The following LIMCH1 variants were observed in gnomAD, a reference collection of about 807,000 sequenced individuals.
LIMCH1 encodes LIM and calponin homology domains-containing protein 1.
In LIMCH1, 113 loss-of-function variants were observed where a neutral mutation model predicts 176.5. The observed-to-expected ratio is 0.64, with a 90% confidence interval of 0.55 to 0.75. The LOEUF is 0.75. Ranked by LOEUF, LIMCH1 falls within the 30% of genes least tolerant of loss-of-function variation. The pLI is 0.00. For missense variants in LIMCH1, 1,674 were observed against 1,814.9 expected, an observed-to-expected ratio of 0.92 and a Z score of 1.41; for synonymous variants, 619 against 645.9, an observed-to-expected ratio of 0.96 and a Z score of 0.63.
At position 41,666,589 on chromosome 4, in the gene LIMCH1, A is replaced by G. The variant is rs761754320; in HGVS notation, c.3320A>G (p.Glu1107Gly). ...GTAAAGCCAAAATCTCCAGAACCCG[A>G]AGCAACGCTGACATTTCCATTTCTG... ...KVVKPKSPEP[E>G]ATLTFPFLDK... Residue 1107 changes from glutamate to glycine, a missense_variant, in exon 21 of 32, where the codon GAA (glutamate) becomes GGA (glycine). Glu to Gly is a moderately conservative substitution (Grantham distance 98). Transcript: ENST00000503057. 2.5e-6 allele frequency: 4 copies of G among 1,613,990 alleles called. No individual in the cohort carries two copies. In the Admixed American group the frequency reaches 6.7e-5, roughly 27 times the overall value.
chr4:41,602,573 G>T (rs949310993), intron 2 of LIMCH1, among the ~76,000 whole-genome samples: 7 of 152,106 alleles, frequency 4.6e-5, no homozygotes, highest in Middle Eastern at 3.4e-3. Context: ...AACCCTAGCA[G>T]ATTGGGAGGC....
chr4:41,646,756 G>A lies in LIMCH1; in HGVS notation c.2683G>A (p.Ala895Thr), dbSNP rs763515008. 103 of 1,614,154 alleles carry A rather than the reference G, an allele frequency of 6.4e-5. No individual in the cohort carries two copies. The highest frequency in any genetic ancestry group is 7.5e-5 in the Non-Finnish European group (88 of 1,180,030). ...CACTGTTGAAACCACCATTGCTCGT[G>A]CCAGTGTTCTGGATACCAGCATGTC... is the stretch of plus-strand genomic sequence containing the variant. ...TATVETTIAR[A>T]SVLDTSMSAG... Residue 895 changes from alanine (A) to threonine (T), a missense_variant, in exon 17 of 32, where the codon GCC becomes ACC. Around this residue, in one of 3 missense-constraint regions of LIMCH1, gnomAD observed 1,015 missense variants for 1,102.5 expected, o/e 0.92. Transcript: ENST00000503057.
chr4:41,363,207 G>A (rs1047922367), intron 1 of LIMCH1, among the ~76,000 whole-genome samples: 2 of 152,196 alleles, frequency 1.3e-5, no homozygotes, highest in Middle Eastern at 3.2e-3. Context: ...GGTTTTGCAT[G>A]CAGTTGCCTT....
chr4:41,668,213 A>G (rs1283354742), intron 21 of LIMCH1, among the ~76,000 whole-genome samples: 1 of 152,208 alleles, frequency 6.6e-6, no homozygotes, highest in Non-Finnish European at 1.5e-5. Context: ...GGTTTTATCT[A>G]CATAACAGGG....
intron 13 of LIMCH1, 69 bp downstream of exon 13, chr4:41,633,877 C>T (rs2093450543): frequency 6.9e-7 from 1 of 1,458,920 alleles, no homozygotes; most frequent in African/African-American, 1.4e-5. Flanking sequence ...GTTCTTAATG[C>T]ATTATGGCAC....
In LIMCH1 at chr4:41,463,874, C is replaced by G. The variant is rs145251939; in HGVS notation, c.97-30662C>G. Among the ~76,000 whole-genome samples the G allele has an allele frequency of 2.3e-3, 354 of 152,056 alleles. 1 individual carries two copies. Among genetic ancestry groups the G allele is most frequent in the African/African-American group, 8.1e-3 (335 of 41,500 alleles). On this transcript the variant is annotated intron_variant, in intron 1 of 26. Transcript: ENST00000313860. ...GATTACAAGCATGAGCCACTGTGCC[C>G]GGTCACATTTTAAACATTTTTTTGT...
chr4:41,512,609 A>G (rs997499566), intron 2 of LIMCH1, among the ~76,000 whole-genome samples: 49 of 152,260 alleles, frequency 3.2e-4, no homozygotes, highest in African/African-American at 1.2e-3. Context: ...TACAACATGG[A>G]TGAACCTTAA....
At chr4:41,651,895 C>T (rs1222462523) in intron 18 of LIMCH1, among the ~76,000 whole-genome samples, 3 of 152,162 alleles carry the variant, frequency 2.0e-5, no homozygotes, top group Admixed American at 1.3e-4. Flanking sequence ...TTTCTTCCAT[C>T]TCTCACCAGA....
intron 1 of LIMCH1, among the ~76,000 whole-genome samples, chr4:41,564,540 A>G (rs1320372808): frequency 6.6e-6 from 1 of 152,206 alleles, no homozygotes; most frequent in Non-Finnish European, 1.5e-5. Context: ...ATATTTCTAT[A>G]CAGAAAAAAG....
chr4:41,566,873 A>T (rs1262629434), intron 1 of LIMCH1, among the ~76,000 whole-genome samples: 1 of 152,218 alleles, frequency 6.6e-6, no homozygotes, highest in East Asian at 1.9e-4. Context: ...TCAGAAATTG[A>T]CCACTTCCTT....
chr4:41,565,366 CACACACACACACACACAT>C (rs1283859908), intron 1 of LIMCH1, among the ~76,000 whole-genome samples: 17 of 147,436 alleles, frequency 1.2e-4, no homozygotes, highest in African/African-American at 3.7e-4. Flanking sequence ...CACACACACA[CACACACACACACACACAT>C]ACACACACAC....
intron 1 of LIMCH1, among the ~76,000 whole-genome samples, chr4:41,592,114 C>G (rs2087711333): frequency 6.6e-6 from 1 of 152,248 alleles, no homozygotes; most frequent in South Asian, 2.1e-4. Flanking sequence ...CTGAGGAAAC[C>G]TCTTCTGTAA....
At chr4:41,462,936 AG>A (rs1373337261) in intron 1 of LIMCH1, among the ~76,000 whole-genome samples, 2 of 152,072 alleles carry the variant, frequency 1.3e-5, no homozygotes, top group East Asian at 3.8e-4. Flanking sequence ...CAGCGAGCAT[AG>A]GTTTAATAGC....
intron 1 of LIMCH1, among the ~76,000 whole-genome samples, chr4:41,423,114 T>G (rs1278367193): frequency 1.3e-5 from 2 of 152,190 alleles, no homozygotes; most frequent in Non-Finnish European, 2.9e-5. Flanking sequence ...AATCAATGAA[T>G]GCCCTTCTGA....
chr4:41,692,355 AC>A lies in LIMCH1; in HGVS notation c.4350del (p.Cys1451ValfsTer32). On this transcript the variant is annotated frameshift_variant, in exon 31 of 32. Coordinates refer to ENST00000503057, the MANE Select transcript of LIMCH1 (RefSeq NM_001330672.2). LOFTEE classifies it high-confidence loss of function. ...GTTAGGATTCGAAATGGTCTCCTGA[AC>A]TGTAATGATTGCTACATGCGATCCA... ...TDVRIRNGLL[N>X]CNDCYMRSRS... 6.2e-7 allele frequency: 1 copy of A among 1,612,740 alleles called. No homozygotes were observed. The highest frequency in any genetic ancestry group is 1.1e-5 in the South Asian group (1 of 91,040).
intron 31 of LIMCH1, 99 bp downstream of exon 31, chr4:41,692,483 C>A: frequency 4.2e-6 from 3 of 717,594 alleles, no homozygotes; most frequent in East Asian, 5.3e-5. Context: ...CAGCCGTTGA[C>A]ACTCTAATCT....
chr4:41,376,787 A>T (rs2054833817), intron 1 of LIMCH1, among the ~76,000 whole-genome samples: 1 of 152,180 alleles, frequency 6.6e-6, no homozygotes, highest in Admixed American at 6.5e-5. Flanking sequence ...GTTTTCGTTC[A>T]TTAAGTTATT....
intron 27 of LIMCH1, among the ~76,000 whole-genome samples, chr4:41,685,490 A>G (rs1486547803): frequency 6.6e-6 from 1 of 152,196 alleles, no homozygotes; most frequent in Non-Finnish European, 1.5e-5. Context: ...TGACATCAGA[A>G]ATCAGCGAGG....
intron 18 of LIMCH1, among the ~76,000 whole-genome samples, chr4:41,651,970 G>A (rs895552274): frequency 3.3e-5 from 5 of 152,136 alleles, no homozygotes; most frequent in Admixed American, 6.5e-5. Context: ...CCCTGCTTTC[G>A]GGGTACGGGC....
Sources: allele counts gnomAD v4.1 joint callset (sites outside exome capture counted in the v4.1 genomes callset), GRCh38; gene constraint gnomAD v4.1.1; regional missense constraint gnomAD v4.1.1; transcripts MANE v1.5; gene names NCBI Gene and HGNC (gene_info 2026-07-23, HGNC 2026-07-21).